CDH12: variants seen among roughly 807,000 people sequenced by gnomAD.
CDH12 encodes the protein cadherin 12.
CDH12 carries 41 observed loss-of-function variants against 74.1 expected under a neutral mutation model. The observed-to-expected ratio is 0.55, with a 90% confidence interval of 0.43 to 0.72. The LOEUF (loss-of-function observed/expected upper bound fraction) is 0.72. CDH12 is among the 30% of genes least tolerant of loss of function. The pLI, the probability that CDH12 is intolerant of heterozygous loss-of-function variation, is 0.00. For synonymous variants in CDH12, 399 were observed against 355.0 expected, an observed-to-expected ratio of 1.12 and a Z score of -1.39; for missense variants, 945 against 977.2, an observed-to-expected ratio of 0.97 and a Z score of 0.44.
intron 1 of CDH12, among the ~76,000 whole-genome samples, chr5:22,654,340 A>C (rs994169802): frequency 1.3e-5 from 2 of 150,088 alleles, no homozygotes; most frequent in Non-Finnish European, 3.0e-5. Flanking sequence ...CCCAGGCTGG[A>C]GTGCAATGGT....
At chr5:21,847,822 T>C (rs997769128) in intron 7 of CDH12, among the ~76,000 whole-genome samples, 2 of 152,146 alleles carry the variant, frequency 1.3e-5, no homozygotes, top group African/African-American at 4.8e-5. Flanking sequence ...TTCTCTAACA[T>C]TCTCTCCTTA....
chr5:22,237,685 T>A (rs1752606054), intron 3 of CDH12, among the ~76,000 whole-genome samples: 3 of 152,152 alleles, frequency 2.0e-5, no homozygotes, highest in South Asian at 4.1e-4. Context: ...ACTAAGACAG[T>A]TTGTCTTGTG....
intron 5 of CDH12, among the ~76,000 whole-genome samples, chr5:22,010,968 A>C (rs1446695645): frequency 1.3e-5 from 2 of 151,946 alleles, no homozygotes; most frequent in Non-Finnish European, 2.9e-5. Context: ...CTCTGAGCAA[A>C]GGTGAGATGC....
chr5:22,089,705 A>G (rs369804318), intron 4 of CDH12, among the ~76,000 whole-genome samples: 1 of 152,172 alleles, frequency 6.6e-6, no homozygotes, highest in Non-Finnish European at 1.5e-5. Flanking sequence ...TACATTAAAA[A>G]TCAACTGCAG....
chr5:22,634,220 C>G (rs1265823872), intron 1 of CDH12, among the ~76,000 whole-genome samples: 1 of 151,810 alleles, frequency 6.6e-6, no homozygotes, highest in Non-Finnish European at 1.5e-5. Context: ...CTATAAATAG[C>G]AACAAGACAA....
chr5:21,827,533 T>C (rs1748748275), intron 8 of CDH12, among the ~76,000 whole-genome samples: 1 of 152,188 alleles, frequency 6.6e-6, no homozygotes, highest in Admixed American at 6.5e-5. Flanking sequence ...CCTTTCTTCT[T>C]ACAAAGCTCA....
intron 5 of CDH12, among the ~76,000 whole-genome samples, chr5:22,056,089 TA>T (rs1422725165): frequency 6.6e-6 from 1 of 152,114 alleles, no homozygotes; most frequent in East Asian, 1.9e-4. Context: ...GTAATGAACA[TA>T]AATAAGGCAG....
At chr5:22,741,458 C>A (rs1285984707) in intron 1 of CDH12, among the ~76,000 whole-genome samples, 1 of 152,110 alleles carries the variant, frequency 6.6e-6, no homozygotes, top group Non-Finnish European at 1.5e-5. Flanking sequence ...TATTTCAAAC[C>A]AAACTGGTTT....
At chr5:22,436,896 T>G (rs1034947720) in intron 2 of CDH12, among the ~76,000 whole-genome samples, 1 of 152,138 alleles carries the variant, frequency 6.6e-6, no homozygotes, top group African/African-American at 2.4e-5. Context: ...TTTCCTGAAA[T>G]GTTTGTATGT....
At chr5:22,139,861 AG>A (rs1477194290) in intron 4 of CDH12, among the ~76,000 whole-genome samples, 21 of 152,246 alleles carry the variant, frequency 1.4e-4, no homozygotes, top group African/African-American at 5.1e-4. Flanking sequence ...CTCAGTTCAT[AG>A]ATATGAGAGA....
chr5:22,073,156 CTG>C, intron 5 of CDH12, among the ~76,000 whole-genome samples: 1 of 152,234 alleles, frequency 6.6e-6, no homozygotes, highest in East Asian at 1.9e-4. Context: ...AGGCTTAATA[CTG>C]TCTCAGTTGT....
At chr5:22,784,545 A>T (rs1242517121) in intron 1 of CDH12, among the ~76,000 whole-genome samples, 3 of 152,104 alleles carry the variant, frequency 2.0e-5, no homozygotes, top group Admixed American at 6.6e-5. Context: ...TTCCTTCCTA[A>T]ATTGTTCTCA....
In CDH12 at chr5:21,751,659, A is replaced by G; in HGVS notation, c.*78T>C. ...GTGTGTGTGTGTGTGTGTGAGAGAG[A>G]TTTCTATTAATATTTGTGTTTCTTT... On this transcript the variant is annotated 3_prime_UTR_variant, in exon 15 of 15. Transcript: ENST00000382254. 4.3e-6 allele frequency: 3 copies of G among 694,648 alleles called. No individual in the cohort carries two copies. 43.0% of individuals were successfully genotyped at this position (694,648 alleles called of 1,614,324 possible). A position where few individuals can be genotyped will look rare whatever the true frequency, so the allele number is the denominator to read the frequency against.
At chr5:22,566,518 A>G (rs545620795) in intron 1 of CDH12, among the ~76,000 whole-genome samples, 58 of 152,136 alleles carry the variant, frequency 3.8e-4, no homozygotes, top group Non-Finnish European at 6.2e-4. Context: ...GATTACAGGT[A>G]TGAGCCACCG....
intron 3 of CDH12, among the ~76,000 whole-genome samples, chr5:22,322,648 C>T (rs914113997): frequency 3.3e-5 from 5 of 152,110 alleles, no homozygotes; most frequent in African/African-American, 1.2e-4. Flanking sequence ...TTGAATCTGT[C>T]TTTCTAAATA....
At chr5:22,291,293 A>AC (rs1737378197) in intron 3 of CDH12, among the ~76,000 whole-genome samples, 1 of 152,128 alleles carries the variant, frequency 6.6e-6, no homozygotes, top group Non-Finnish European at 1.5e-5. Context: ...TCTCTGAGAT[A>AC]TAAAAAATGA....
chr5:22,808,134 G>T (rs1748914148), intron 1 of CDH12, among the ~76,000 whole-genome samples: 1 of 152,098 alleles, frequency 6.6e-6, no homozygotes, highest in Non-Finnish European at 1.5e-5. Context: ...TTACATAAAA[G>T]ACTACATACA....
chr5:21,873,832 G>A (rs1368444604), intron 6 of CDH12, among the ~76,000 whole-genome samples: 2 of 139,702 alleles, frequency 1.4e-5, no homozygotes, highest in Admixed American at 1.6e-4. Context: ...TTCCCTCCCT[G>A]TGTTCTCAGT....
At chr5:21,834,939 T>C (rs753250991) in intron 8 of CDH12, among the ~76,000 whole-genome samples, 1 of 151,966 alleles carries the variant, frequency 6.6e-6, no homozygotes, top group Non-Finnish European at 1.5e-5. Context: ...CAGTACTTGC[T>C]ACCATCTTTT....
Sources: gnomAD v4.1 joint callset for allele counts (sites outside exome capture counted in the v4.1 genomes callset) on GRCh38, gnomAD v4.1.1 for gene constraint, MANE v1.5 for transcripts, NCBI Gene and HGNC (gene_info 2026-07-23, HGNC 2026-07-21) for gene names.